DST: variants seen among roughly 807,000 people sequenced by gnomAD.
DST encodes the protein dystonin.
In DST, 253 loss-of-function variants were observed where a neutral mutation model predicts 875.2. That is an observed-to-expected ratio of 0.29 (90% CI 0.26 to 0.32). The LOEUF (loss-of-function observed/expected upper bound fraction) is 0.32, where lower values mean the gene tolerates loss of function less well. Ranked by LOEUF, DST falls within the 10% of genes least tolerant of loss-of-function variation. DST has a pLI of 1.00. For synonymous variants in DST, 3,124 were observed against 3,197.1 expected (o/e 0.98, Z 0.77); for missense variants, 8,287 against 9,111.6 (o/e 0.91, Z 3.68).
At chr6:56,857,600 T>G (rs1463157706) in intron 3 of DST, among the ~76,000 whole-genome samples, 1 of 152,202 alleles carries the variant, frequency 6.6e-6, no homozygotes, top group African/African-American at 2.4e-5. Context: ...TACAATACAG[T>G]GAACACAACA....
chr6:56,948,459 C>T (rs1176069480), intron 2 of DST, among the ~76,000 whole-genome samples: 1 of 152,180 alleles, frequency 6.6e-6, no homozygotes, highest in Admixed American at 6.5e-5. Flanking sequence ...GGATGATTCA[C>T]ATGTTGGGCA....
intron 45 of DST, 131 bp from the exon 46 acceptor site, chr6:56,598,840 G>T: frequency 2.3e-6 from 1 of 435,740 alleles, no homozygotes; most frequent in African/African-American, 2.0e-5. Context: ...AACATATTGA[G>T]TATGTTAATT....
At chr6:56,864,609 C>T (rs1008733530) in intron 3 of DST, among the ~76,000 whole-genome samples, 13 of 152,074 alleles carry the variant, frequency 8.5e-5, no homozygotes, top group Non-Finnish European at 1.9e-4. Flanking sequence ...ACATCTTTAA[C>T]TTGCTCGTAT....
intron 3 of DST, among the ~76,000 whole-genome samples, chr6:56,880,837 C>CTTTTTTTTTTTTT (rs765843469): frequency 3.4e-5 from 2 of 58,064 alleles, no homozygotes; most frequent in Non-Finnish European, 5.7e-5. Flanking sequence ...TACTGTCTTT[C>CTTTTTTTTTTTTT]TTTTTTTTTT....
chr6:56,606,589 C>A lies in DST; in HGVS notation c.8039G>T (p.Ser2680Ile). 1 of 1,613,562 alleles carries A rather than the reference C, an allele frequency of 6.2e-7. No homozygotes were observed. Among genetic ancestry groups the A allele is most frequent in the South Asian group, 1.1e-5 (1 of 91,076 alleles). ...VPQGAPVGSL[S>I]VKNKAHCLQD... ...AAGACAATGTGCTTTGTTCTTCACA[C>A]TTAAGCTACCAACTGGTGCCCCCTG... is the stretch of plus-strand genomic sequence containing the variant. Residue 2680 changes from serine (S) to isoleucine (I), a missense_variant, in exon 40 of 104, where the codon AGT becomes ATT. Ser to Ile is a moderately radical substitution (Grantham distance 142). This residue lies in a region of DST where 3,138 missense variants were observed against 3,116.6 expected (regional missense o/e 1.01). Coordinates refer to ENST00000680361, the MANE Select transcript of DST (RefSeq NM_001374736.1).
chr6:56,524,605 T>C (rs954542666), intron 69 of DST, among the ~76,000 whole-genome samples: 7 of 152,054 alleles, frequency 4.6e-5, no homozygotes, highest in Admixed American at 4.6e-4. Context: ...TAAACATCTG[T>C]GTGTCTATGT....
chr6:56,894,662 T>C (rs1294728463), intron 3 of DST, among the ~76,000 whole-genome samples: 7 of 37,958 alleles, frequency 1.8e-4, no homozygotes, highest in Admixed American at 4.6e-4. Flanking sequence ...ATGGGGCTGA[T>C]CCCCCCACCT....
Position 56,532,334 on chromosome 6 carries a change from T to G in DST, c.17108+10A>C. On this transcript the variant is annotated intron_variant, in intron 64 of 103. Transcript: ENST00000680361. ...TACTCTTTCAAAAGAACTGGAAGTA[T>G]ATAAGTTACCTTGTTTCAGCTTTAT... The G allele has an allele frequency of 6.2e-7, 1 of 1,612,814 alleles. No individual in the cohort carries two copies.
intron 30 of DST, among the ~76,000 whole-genome samples, chr6:56,630,721 A>G (rs958198111): frequency 6.6e-6 from 1 of 152,136 alleles, no homozygotes; most frequent in Admixed American, 6.5e-5. Context: ...TTACACACTC[A>G]TCTCTGAAGC....
At position 56,573,089 on chromosome 6, in the gene DST, T is replaced by C. The variant is rs1482676466; in HGVS notation, c.13237-25A>G. 4 of 1,476,846 alleles carry C rather than the reference T, an allele frequency of 2.7e-6. No homozygotes were observed. The African/African-American group carries it at 5.7e-5, about 21-fold the overall frequency. The allele number at this position is 1,476,846 out of a possible 1,614,324, so 91.5% of individuals were successfully genotyped here. A position where few individuals can be genotyped will look rare whatever the true frequency, so the allele number is the denominator to read the frequency against. On this transcript the variant is annotated intron_variant, in intron 51 of 103. Coordinates refer to ENST00000680361, the MANE Select transcript of DST (RefSeq NM_001374736.1). ...TCTAAAATAAACCAAATATTGCATATCTTTTATTATGATGCTTATAAATAA... is the reference window on the plus strand; with the variant it reads ...TCTAAAATAAACCAAATATTGCATACCTTTTATTATGATGCTTATAAATAA...
chr6:56,656,959 A>G (rs185245637), intron 10 of DST, among the ~76,000 whole-genome samples: 1 of 152,322 alleles, frequency 6.6e-6, no homozygotes, highest in East Asian at 1.9e-4. Context: ...AATGTGTCCT[A>G]TACCAATGTT....
At chr6:56,934,233 C>T (rs1811687823) in intron 2 of DST, among the ~76,000 whole-genome samples, 1 of 151,894 alleles carries the variant, frequency 6.6e-6, no homozygotes, top group Non-Finnish European at 1.5e-5. Context: ...AGATGGGATG[C>T]TAAAACAACA....
At position 56,639,548 on chromosome 6, in the gene DST, T is replaced by G; in HGVS notation, c.2761A>C (p.Asn921His). 1 of 1,613,928 alleles carries G rather than the reference T, an allele frequency of 6.2e-7. No homozygotes were observed. The highest frequency in any genetic ancestry group is 8.5e-7 in the Non-Finnish European group (1 of 1,179,898). ...TLHNFVSRAT[N>H]ELIWLNEKEE... ...TTTTCATTCAACCAAATAAGTTCATTAGTCGCACGACTTACAAAATTATGG... is the reference window on the plus strand; with the variant it reads ...TTTTCATTCAACCAAATAAGTTCATGAGTCGCACGACTTACAAAATTATGG... The change falls in exon 21 of 104, where the codon AAT (asparagine) becomes CAT (histidine). Residue 921 changes from asparagine to histidine, a missense_variant. Transcript: ENST00000680361.
intron 73 of DST, among the ~76,000 whole-genome samples, chr6:56,510,868 A>G (rs1162548810): frequency 6.6e-6 from 1 of 152,122 alleles, no homozygotes; most frequent in Non-Finnish European, 1.5e-5. Flanking sequence ...ATTAATAATT[A>G]TAACACTTTC....
intron 36 of DST, 188 bp downstream of exon 36, chr6:56,624,342 A>C: frequency 1.5e-6 from 1 of 680,356 alleles, no homozygotes; most frequent in Non-Finnish European, 2.7e-6. Context: ...ATGAATCTTA[A>C]AGACAAACAA....
intron 37 of DST, among the ~76,000 whole-genome samples, chr6:56,612,004 G>C (rs887930783): frequency 2.4e-4 from 37 of 152,174 alleles, no homozygotes; most frequent in Admixed American, 2.2e-3. Context: ...CTTCTGCCAA[G>C]CTCCTAGACA....
In DST at chr6:56,487,152, C is replaced by G; in HGVS notation, c.20999G>C (p.Ser7000Thr). 2 of 1,613,990 alleles carry G rather than the reference C, an allele frequency of 1.2e-6. No homozygotes were observed. The highest frequency in any genetic ancestry group is 1.7e-6 in the Non-Finnish European group (2 of 1,179,864). The change falls in exon 87 of 104, where the codon AGT becomes ACT. Residue 7000 changes from serine to threonine, a missense_variant. Ser to Thr is a moderately conservative substitution (Grantham distance 58, BLOSUM62 1). This residue lies in a region of DST where 1,292 missense variants were observed against 1,552.7 expected (regional missense o/e 0.83). Transcript: ENST00000680361. ...DDNLKLDDMLSELRDKWDTIC... is the reference protein window; with the variant it reads ...DDNLKLDDMLTELRDKWDTIC... ...GGTATCCCATTTGTCTCTGAGTTCA[C>G]TCAGCATGTCATCCAGTTTCAGGTT...
At chr6:56,763,679 A>T (rs933321461) in intron 4 of DST, among the ~76,000 whole-genome samples, 4 of 126,426 alleles carry the variant, frequency 3.2e-5, no homozygotes, top group African/African-American at 1.2e-4. Flanking sequence ...AAAAAAAAAT[A>T]CCTATACACA....
At chr6:56,711,897 C>T (rs1422306971) in intron 5 of DST, among the ~76,000 whole-genome samples, 3 of 151,548 alleles carry the variant, frequency 2.0e-5, no homozygotes, top group African/African-American at 7.3e-5. Flanking sequence ...CGAGACCATC[C>T]CGGCTAAAAC....
Sources: gnomAD v4.1 joint callset for allele counts (sites outside exome capture counted in the v4.1 genomes callset) on GRCh38, gnomAD v4.1.1 for gene constraint, gnomAD v4.1.1 regional missense constraint, MANE v1.5 for transcripts, NCBI Gene and HGNC (gene_info 2026-07-23, HGNC 2026-07-21) for gene names.